The following WWTR1 variants were observed in gnomAD, a reference collection of about 807,000 sequenced individuals.
The protein encoded by WWTR1 is WW domain-containing transcription regulator protein 1.
A neutral mutation model predicts 40.1 loss-of-function variants in WWTR1; 13 were observed. The ratio of observed to expected loss-of-function variants is 0.32; its 90% confidence interval spans 0.21 to 0.52. The LOEUF (loss-of-function observed/expected upper bound fraction) is 0.52, where lower values mean the gene tolerates loss of function less well. Ranked by LOEUF, WWTR1 falls within the 20% of genes least tolerant of loss-of-function variation. The pLI is 0.97. For synonymous variants in WWTR1, 230 were observed against 210.1 expected (o/e 1.09, Z -0.82); for missense variants, 436 against 523.1 (o/e 0.83, Z 1.63).
rs1024147291 is a variant in WWTR1 at position 149,591,253 on chromosome 3, C to T, written c.432-18253G>A. On this transcript the variant is annotated intron_variant, in intron 2 of 6. Coordinates refer to ENST00000360632, the MANE Select transcript of WWTR1 (RefSeq NM_015472.6). ...GATGCAAGGCAACAGCTGAATATGC[C>T]ATGAGCAATGCTGGAACCCTAAGCC... 7.9e-5 allele frequency among the ~76,000 whole-genome samples: 12 copies of T among 152,174 alleles called. 1 individual carries two copies. Among genetic ancestry groups the T allele is most frequent in the Middle Eastern group, 3.2e-3 (1 of 316 alleles).
Position 149,575,097 on chromosome 3 carries a change from CAA to C in WWTR1, c.432-2099_432-2098del, listed in dbSNP as rs35353624. On this transcript the variant is annotated intron_variant, in intron 2 of 6. Coordinates refer to ENST00000360632, the MANE Select transcript of WWTR1 (RefSeq NM_015472.6). ...CAGCAGAGTGAGACTCCATCCCCCC[CAA>C]AAAAAAAAGATGGGGAAATACTGAA... Among the ~76,000 whole-genome samples the C allele has an allele frequency of 5.0e-4, 73 of 145,566 alleles. No homozygotes were observed. In the East Asian group the frequency reaches 5.1e-3, roughly 10 times the overall value.
At chr3:149,655,305 C>A (rs1249702418) in intron 2 of WWTR1, among the ~76,000 whole-genome samples, 1 of 151,578 alleles carries the variant, frequency 6.6e-6, no homozygotes, top group Non-Finnish European at 1.5e-5. Context: ...ATTAGCCAGG[C>A]GTGGTGGTGG....
rs1223606775 is a variant in WWTR1, at chr3:149,542,402, A to G, written c.704T>C (p.Leu235Pro). The G allele has an allele frequency of 6.2e-7, 1 of 1,614,034 alleles. No homozygotes were observed. Among genetic ancestry groups the G allele is most frequent in the African/African-American group, 1.3e-5 (1 of 75,014 alleles). ...CTCCATCTGGATTCTCTGAAGCCGC[A>G]GTTTCTGCTGCTGCTGCTGCTGAGT... ...LTTQQQQQQK[L>P]RLQRIQMERE... Residue 235 changes from leucine (L) to proline (P), a missense_variant, in exon 4 of 7, where the codon CTG becomes CCG. Leu to Pro is a moderately conservative substitution (Grantham distance 98, BLOSUM62 -3). Coordinates refer to ENST00000360632, the MANE Select transcript of WWTR1 (RefSeq NM_015472.6).
Position 149,630,178 on chromosome 3 carries a change from G to A in WWTR1, c.431+26698C>T, listed in dbSNP as rs965961507. Among the ~76,000 whole-genome samples the A allele has an allele frequency of 4.6e-5, 7 of 152,004 alleles. No individual in the cohort carries two copies. The East Asian group carries it at 7.7e-4, about 17-fold the overall frequency. On this transcript the variant is annotated intron_variant, in intron 2 of 6. Transcript: ENST00000360632. The stretch of plus-strand genomic sequence containing the variant: ...AGGATATTAGAATAATAAAATCTTC[G>A]GTGCGTTTTTTTCTTCTGTAAAAAA...
chr3:149,690,784 A>G (rs1595022), intron 1 of WWTR1, among the ~76,000 whole-genome samples: 140,369 of 152,248 alleles, frequency 0.92, 64,872 homozygotes, highest in East Asian at 1. Flanking sequence ...GATGTTTACA[A>G]AACATTTCAT....
chr3:149,578,429 G>A (rs1737989024), intron 2 of WWTR1, among the ~76,000 whole-genome samples: 3 of 152,174 alleles, frequency 2.0e-5, no homozygotes, highest in Admixed American at 1.3e-4. Context: ...AACTCACTCA[G>A]CAGTGAGTGC....
upstream of WWTR1, among the ~76,000 whole-genome samples, chr3:149,704,812 C>T (rs9870573): frequency 0.36 from 53,920 of 150,248 alleles, 9,916 homozygotes; most frequent in South Asian, 0.49. Context: ...GAAAAAAGCC[C>T]CTACCAAAGA....
chr3:149,640,225 G>A (rs1298257123), intron 2 of WWTR1, among the ~76,000 whole-genome samples: 1 of 152,038 alleles, frequency 6.6e-6, no homozygotes, highest in Non-Finnish European at 1.5e-5. Flanking sequence ...ACAATTTTAA[G>A]AAACCTTTAA....
chr3:149,653,861 C>T (rs866533569), intron 2 of WWTR1, among the ~76,000 whole-genome samples: 4 of 152,148 alleles, frequency 2.6e-5, no homozygotes, highest in African/African-American at 7.2e-5. Flanking sequence ...ATCACCCTTC[C>T]GTGGCCTCAA....
chr3:149,570,808 C>T (rs79463605), intron 3 of WWTR1, among the ~76,000 whole-genome samples: 3,145 of 152,134 alleles, frequency 0.021, 132 homozygotes, highest in African/African-American at 0.071. Context: ...TCCAAGCATT[C>T]AAGCTTCTTT....
In WWTR1 at chr3:149,525,918, AAAAAT is replaced by A. The variant is rs1054398165; in HGVS notation, c.1018+90_1018+94del. ...AATATAAAATAAAAGTTGAAATTAT[AAAAAT>A]AAAATAAAAGAAAAATAAAATTGAG... On this transcript the variant is annotated intron_variant, in intron 6 of 6. Coordinates refer to ENST00000360632, the MANE Select transcript of WWTR1 (RefSeq NM_015472.6). The A allele has an allele frequency of 1.2e-4, 85 of 702,296 alleles. No individual in the cohort carries two copies. In the African/African-American group the frequency reaches 1.4e-3, roughly 11 times the overall value. The allele number at this position is 702,296 out of a possible 1,614,324, so 43.5% of individuals were successfully genotyped here. A position where few individuals can be genotyped will look rare whatever the true frequency, so the allele number is the denominator to read the frequency against.
chr3:149,628,377 T>C (rs567995587), intron 2 of WWTR1, among the ~76,000 whole-genome samples: 3 of 152,248 alleles, frequency 2.0e-5, no homozygotes, highest in East Asian at 3.9e-4. Context: ...TCAAAACAAA[T>C]AAACAAACAA....
At chr3:149,650,044 G>T (rs1712775315) in intron 2 of WWTR1, 1 of 152,028 alleles carries the variant, frequency 6.6e-6, no homozygotes, top group African/African-American at 2.4e-5. Context: ...TTAGTGGTGT[G>T]AGTCACCTTG....
chr3:149,705,134 G>A (rs1210924493), upstream of WWTR1, among the ~76,000 whole-genome samples: 1 of 151,878 alleles, frequency 6.6e-6, no homozygotes, highest in African/African-American at 2.4e-5. Context: ...AAGGACAATA[G>A]GAAAGAAAAA....
At chr3:149,710,573 C>G (rs953346761) in intron 5 of WWTR1, among the ~76,000 whole-genome samples, 6 of 73,164 alleles carry the variant, frequency 8.2e-5, no homozygotes, top group Admixed American at 1.4e-4. Context: ...CCCCGCCTCC[C>G]CCCCCCCCCT....
chr3:149,591,792 T>C (rs1383278064), intron 2 of WWTR1, among the ~76,000 whole-genome samples: 1 of 152,188 alleles, frequency 6.6e-6, no homozygotes, highest in Non-Finnish European at 1.5e-5. Context: ...AAAAAGTTCA[T>C]GTTTAAATAC....
At chr3:149,605,321 G>A (rs1294694233) in intron 2 of WWTR1, among the ~76,000 whole-genome samples, 6 of 152,152 alleles carry the variant, frequency 3.9e-5, no homozygotes, top group Admixed American at 3.9e-4. Context: ...CCAGTTAGAA[G>A]ACTATTGCAG....
rs145690931 is a variant in WWTR1, at chr3:149,613,270, T to C, written c.432-40270A>G. Among the ~76,000 whole-genome samples, 294 of 152,282 alleles carry C rather than the reference T, an allele frequency of 1.9e-3. 6 individuals carry two copies. The East Asian group carries it at 0.035, about 18-fold the overall frequency. On this transcript the variant is annotated intron_variant, in intron 2 of 6. Transcript: ENST00000360632. The stretch of plus-strand genomic sequence containing the variant: ...TCATATATGAAAGCCTAACACAGCT[T>C]AGGGGACTGGCCTAGGAACTATGGC...
chr3:149,663,067 C>A (rs562758021), intron 2 of WWTR1, among the ~76,000 whole-genome samples: 14 of 152,260 alleles, frequency 9.2e-5, no homozygotes, highest in Non-Finnish European at 1.8e-4. Flanking sequence ...GAGTCTTACT[C>A]TGTCACCCAG....
Sources: gnomAD v4.1 joint callset for allele counts (sites outside exome capture counted in the v4.1 genomes callset) on GRCh38, gnomAD v4.1.1 for gene constraint, MANE v1.5 for transcripts, NCBI Gene and HGNC (gene_info 2026-07-23, HGNC 2026-07-21) for gene names.